The following GTPBP10 variants were observed in gnomAD, a reference collection of about 807,000 sequenced individuals.
GTPBP10 encodes GTP binding protein 10.
In GTPBP10, 38 loss-of-function variants were observed where a neutral mutation model predicts 44.8. That is an observed-to-expected ratio of 0.85 (90% CI 0.65 to 1.11). The LOEUF (loss-of-function observed/expected upper bound fraction) is 1.11. Among genes scored for constraint, GTPBP10 ranks in the 50% most tolerant of loss-of-function variants. GTPBP10 has a pLI of 0.00. For missense variants in GTPBP10, 462 were observed against 453.7 expected (o/e 1.02, Z -0.17); for synonymous variants, 152 against 150.6 (o/e 1.01, Z -0.07).
chr7:90,370,850 A>C (rs1424901873), intron 4 of GTPBP10, among the ~76,000 whole-genome samples: 2 of 146,914 alleles, frequency 1.4e-5, no homozygotes, highest in African/African-American at 5.4e-5. Flanking sequence ...CTGAAAATAC[A>C]AAAAAAATTA....
rs981947241 is a variant in GTPBP10 at position 90,389,353 on chromosome 7, T to C, written c.*4199T>C. 1.3e-5 allele frequency: 2 copies of C among 152,036 alleles called. No homozygotes were observed. Among genetic ancestry groups the C allele is most frequent in the Non-Finnish European group, 2.9e-5 (2 of 68,018 alleles). 9.4% of individuals were successfully genotyped at this position (152,036 alleles called of 1,614,324 possible). On this transcript the variant is annotated 3_prime_UTR_variant, in exon 10 of 10. Transcript: ENST00000222511. Reference sequence around the variant, plus strand: ...GTTGGATGGTGAATACATGAGTTGTTTTTTAAACTCTTTTGGGAGCCTAAA... The same window carrying C: ...GTTGGATGGTGAATACATGAGTTGTCTTTTAAACTCTTTTGGGAGCCTAAA...
At chr7:90,377,704 G>A in intron 7 of GTPBP10, 90 bp downstream of exon 7, 1 of 796,636 alleles carries the variant, frequency 1.3e-6, no homozygotes. Flanking sequence ...ATAAGAAAGT[G>A]GTAGCATATG....
At chr7:90,347,998 G>T (rs1795714436) in intron 1 of GTPBP10, among the ~76,000 whole-genome samples, 1 of 152,102 alleles carries the variant, frequency 6.6e-6, no homozygotes, top group African/African-American at 2.4e-5. Context: ...AGGCTGAGGT[G>T]GGAGGATCCC....
intron 6 of GTPBP10, among the ~76,000 whole-genome samples, chr7:90,376,709 C>A (rs1488288447): frequency 1.3e-5 from 2 of 152,138 alleles, no homozygotes; most frequent in South Asian, 2.1e-4. Context: ...CAACCTAATA[C>A]TTTGTAAGAA....
At chr7:90,368,859 G>T (rs1309281447) in intron 4 of GTPBP10, among the ~76,000 whole-genome samples, 2 of 152,162 alleles carry the variant, frequency 1.3e-5, no homozygotes, top group African/African-American at 4.8e-5. Context: ...CAGTCCTTTG[G>T]AGGAGAATAG....
At chr7:90,370,637 C>T (rs1320268382) in intron 4 of GTPBP10, among the ~76,000 whole-genome samples, 1 of 152,032 alleles carries the variant, frequency 6.6e-6, no homozygotes, top group Admixed American at 6.6e-5. Context: ...TGGACTTCAC[C>T]ATTACACAAT....
intron 2 of GTPBP10, among the ~76,000 whole-genome samples, chr7:90,353,673 A>G (rs1795839194): frequency 6.6e-6 from 1 of 152,174 alleles, no homozygotes; most frequent in African/African-American, 2.4e-5. Context: ...AATTCCCAGA[A>G]GTAGAATTAC....
At chr7:90,371,014 A>AATAG (rs1376056279) in intron 4 of GTPBP10, among the ~76,000 whole-genome samples, 2 of 6,570 alleles carry the variant, frequency 3.0e-4, no homozygotes, top group South Asian at 2.6e-3. Flanking sequence ...TCAATAGATA[A>AATAG]ATAAATAAAT....
chr7:90,369,216 A>G (rs549487403), intron 4 of GTPBP10, among the ~76,000 whole-genome samples: 1 of 152,270 alleles, frequency 6.6e-6, no homozygotes, highest in South Asian at 2.1e-4. Context: ...CTTGGCCCCT[A>G]CTGGGAGGTG....
At chr7:90,383,454 C>T (rs939608288) in intron 9 of GTPBP10, among the ~76,000 whole-genome samples, 1 of 152,176 alleles carries the variant, frequency 6.6e-6, no homozygotes, top group African/African-American at 2.4e-5. Context: ...TCGTCTAGTA[C>T]TGTACATCAT....
intron 4 of GTPBP10, among the ~76,000 whole-genome samples, chr7:90,358,368 A>G (rs968165510): frequency 6.6e-6 from 1 of 152,188 alleles, no homozygotes; most frequent in African/African-American, 2.4e-5. Context: ...ACTTCAAATT[A>G]TATTACAAGG....
chr7:90,371,243 A>G (rs1562958784), intron 4 of GTPBP10: 6 of 909,246 alleles, frequency 6.6e-6, no homozygotes, highest in South Asian at 5.1e-5. Context: ...ATTTTTTACA[A>G]TGTTGTTTAG....
chr7:90,350,225 C>T (rs1047163069), intron 1 of GTPBP10, among the ~76,000 whole-genome samples: 23 of 152,124 alleles, frequency 1.5e-4, no homozygotes, highest in Admixed American at 1.5e-3. Context: ...CAGCTGCATC[C>T]ATGTCACTCA....
chr7:90,347,042 G>A (rs541616179), intron 1 of GTPBP10, among the ~76,000 whole-genome samples: 1 of 152,252 alleles, frequency 6.6e-6, no homozygotes, highest in African/African-American at 2.4e-5. Context: ...GAGGAACTGG[G>A]ATACCTGCCT....
At chr7:90,381,413 A>G (rs1052225799) in intron 8 of GTPBP10, among the ~76,000 whole-genome samples, 2 of 152,188 alleles carry the variant, frequency 1.3e-5, no homozygotes, top group Admixed American at 1.3e-4. Flanking sequence ...TCATACATAT[A>G]TTGGTCATTT....
intron 4 of GTPBP10, among the ~76,000 whole-genome samples, chr7:90,361,823 A>G (rs2115666010): frequency 6.6e-6 from 1 of 152,268 alleles, no homozygotes; most frequent in South Asian, 2.1e-4. Context: ...TTATTGGTCT[A>G]TTCAGGAATG....
At chr7:90,355,591 GAAAT>G (rs748500030) in intron 4 of GTPBP10, among the ~76,000 whole-genome samples, 15 of 151,994 alleles carry the variant, frequency 9.9e-5, no homozygotes, top group South Asian at 4.1e-4. Flanking sequence ...TATATAGAAG[GAAAT>G]AAACAGGGAA....
chr7:90,371,040 TA>T (rs1796248038), intron 4 of GTPBP10: 1 of 152,024 alleles, frequency 6.6e-6, no homozygotes, highest in Non-Finnish European at 1.5e-5. Flanking sequence ...AATAAATAAA[TA>T]AATAAATAGA....
At chr7:90,368,812 C>A (rs1362767621) in intron 4 of GTPBP10, among the ~76,000 whole-genome samples, 1 of 152,240 alleles carries the variant, frequency 6.6e-6, no homozygotes, top group Non-Finnish European at 1.5e-5. Context: ...CAAACTCATT[C>A]TCCATCCAGT....
Sources: allele counts gnomAD v4.1 joint callset (sites outside exome capture counted in the v4.1 genomes callset), GRCh38; gene constraint gnomAD v4.1.1; transcripts MANE v1.5; gene names NCBI Gene and HGNC (gene_info 2026-07-23, HGNC 2026-07-21).